Variants in ITPK1 observed in about 807,000 individuals in gnomAD.
The protein encoded by ITPK1 is inositol 1,3,4-trisphosphate 5/6-kinase.
A neutral mutation model predicts 45.3 loss-of-function variants in ITPK1; 21 were observed. The ratio of observed to expected loss-of-function variants is 0.46; its 90% CI spans 0.33 to 0.67. The LOEUF is 0.67. Ranked by LOEUF, ITPK1 falls within the 30% of genes least tolerant of loss-of-function variation. The pLI, the probability that ITPK1 is intolerant of heterozygous loss-of-function variation, is 0.02. For synonymous variants in ITPK1, 258 were observed against 253.6 expected (o/e 1.02, Z -0.16); for missense variants, 474 against 573.5 (o/e 0.83, Z 1.77).
rs766225567 is a variant in ITPK1 at position 93,016,784 on chromosome 14, C to A, written c.138G>T (p.Pro46=). 3.7e-6 allele frequency: 6 copies of A among 1,614,074 alleles called. No homozygotes were observed. Among genetic ancestry groups the A allele is most frequent in the East Asian group, 2.2e-5 (1 of 44,890 alleles). The change falls in exon 4 of 11, where the codon CCG becomes CCT. Residue 46 remains proline (P), a synonymous_variant. Transcript: ENST00000267615. This position sits in a 1 kb window ranked among gnomAD's most constrained non-coding sequence, Gnocchi z 5.0. ...MEVVQLNLSR[P]IEEQGPLDVI... is the part of the protein sequence containing the mutation. ...CGTCCAGGGGGCCCTGCTCCTCGAT[C>A]GGCCGGCTAAGGTTCAGCTGTGAGG...
At chr14:92,995,117 G>A (rs763168195) in intron 4 of ITPK1, among the ~76,000 whole-genome samples, 19 of 152,232 alleles carry the variant, frequency 1.2e-4, no homozygotes, top group Non-Finnish European at 2.5e-4. Context: ...AGGGCCTCCG[G>A]AGGGAGCCAC....
chr14:92,957,655 C>A (rs1026600813), intron 8 of ITPK1, among the ~76,000 whole-genome samples: 1 of 152,242 alleles, frequency 6.6e-6, no homozygotes, highest in Admixed American at 6.5e-5. Context: ...CTCACTGGCA[C>A]GGTAGGAGTC....
At chr14:93,101,126 CCAGAA>C (rs1394861601) in intron 2 of ITPK1, among the ~76,000 whole-genome samples, 1 of 152,146 alleles carries the variant, frequency 6.6e-6, no homozygotes, top group East Asian at 1.9e-4. Context: ...CAATCATGGC[CCAGAA>C]CAGAACACAC....
At chr14:93,058,239 T>C (rs1890292091) in intron 3 of ITPK1, among the ~76,000 whole-genome samples, 1 of 151,154 alleles carries the variant, frequency 6.6e-6, no homozygotes, top group South Asian at 2.1e-4. Flanking sequence ...CACAGGGGCA[T>C]CTGGGAGGGC....
Position 92,938,616 on chromosome 14 carries a change from A to G in ITPK1, c.*2945T>C, listed in dbSNP as rs964062063. 9.1e-7 allele frequency: 1 copy of G among 1,096,048 alleles called. No individual in the cohort carries two copies. The highest frequency in any genetic ancestry group is 1.4e-6 in the Non-Finnish European group (1 of 724,308). The allele number at this position is 1,096,048 out of a possible 1,614,324, so 67.9% of individuals were successfully genotyped here. A position where few individuals can be genotyped will look rare whatever the true frequency, so the allele number is the denominator to read the frequency against. ...GGCAGGCCCAGGCACAGGAAGCCCC[A>G]TGGAACCTGCCAGGTTGCAGCTGGG... On this transcript the variant is annotated 3_prime_UTR_variant, in exon 11 of 11. Transcript: ENST00000267615.
chr14:92,953,757 G>A (rs1163895585), intron 8 of ITPK1, among the ~76,000 whole-genome samples: 1 of 152,238 alleles, frequency 6.6e-6, no homozygotes, highest in Non-Finnish European at 1.5e-5. Context: ...GGAAGGGCCA[G>A]AGCTGGGTAC....
At chr14:93,070,742 C>T (rs1890960943) in intron 3 of ITPK1, 1 of 152,594 alleles carries the variant, frequency 6.6e-6, no homozygotes, top group Non-Finnish European at 1.5e-5. Context: ...CTGCAGACAT[C>T]ACAGAGAGTT....
chr14:93,026,875 G>C (rs1266363712), intron 3 of ITPK1, among the ~76,000 whole-genome samples: 1 of 152,128 alleles, frequency 6.6e-6, no homozygotes, highest in Non-Finnish European at 1.5e-5. Flanking sequence ...GGGGAAAAAA[G>C]GGTTACACAA....
rs139610989 is a variant in ITPK1, at chr14:92,953,723, C to T, written c.671-1710G>A. The stretch of plus-strand genomic sequence containing the variant: ...AAGTCTGCAGGAGCCGCAAGGAGAA[C>T]ACGTGGGTGCTGAGTGGGTGCCAGG... On this transcript the variant is annotated intron_variant, in intron 8 of 10. Transcript: ENST00000267615. 5.6e-4 allele frequency among the ~76,000 whole-genome samples: 86 copies of T among 152,320 alleles called. 1 individual carries two copies. The highest frequency in any genetic ancestry group is 2.0e-3 in the African/African-American group (82 of 41,582).
chr14:92,992,342 CA>C (rs1886828786), intron 5 of ITPK1, among the ~76,000 whole-genome samples: 1 of 152,210 alleles, frequency 6.6e-6, no homozygotes, highest in Non-Finnish European at 1.5e-5. Context: ...AAGGTGACCC[CA>C]GGAGGGAACA....
intron 2 of ITPK1, among the ~76,000 whole-genome samples, chr14:93,094,312 G>C (rs941541): frequency 6.6e-6 from 1 of 152,098 alleles, no homozygotes; most frequent in Non-Finnish European, 1.5e-5. Context: ...AATCACCGTC[G>C]GTATGGGCTT....
intron 5 of ITPK1, among the ~76,000 whole-genome samples, chr14:92,983,051 C>A (rs1209595167): frequency 6.6e-6 from 1 of 152,234 alleles, no homozygotes; most frequent in East Asian, 1.9e-4. Flanking sequence ...TTCCTCCCAC[C>A]TGACTTAGCT....
intron 3 of ITPK1, among the ~76,000 whole-genome samples, chr14:93,064,119 C>T (rs796823463): frequency 5.9e-4 from 90 of 151,936 alleles, no homozygotes; most frequent in African/African-American, 2.1e-3. Context: ...CTGTCTCTAC[C>T]AAAAATACAA....
In ITPK1 at chr14:93,078,587, A is replaced by G. The variant is rs559006017; in HGVS notation, c.96-1968T>C. Among the ~76,000 whole-genome samples the G allele has an allele frequency of 2.6e-5, 4 of 152,226 alleles. 1 individual carries two copies. In the South Asian group the frequency reaches 8.3e-4, roughly 32 times the overall value. On this transcript the variant is annotated intron_variant, in intron 2 of 10. Coordinates refer to ENST00000267615, the MANE Select transcript of ITPK1 (RefSeq NM_014216.6). Reference sequence around the variant, plus strand: ...AGTTCCTGTAGGAATGGTGGCCAATATCCATCTGCTTCCACGGTTTCATGA... The same window carrying G: ...AGTTCCTGTAGGAATGGTGGCCAATGTCCATCTGCTTCCACGGTTTCATGA...
At position 92,992,809 on chromosome 14, in the gene ITPK1, G is replaced by T. The variant is rs148809630; in HGVS notation, c.364+1071C>A. ...CCCAGCCACCTGAATGCTGCGTGACGTGGCATGTCTGCTAACCTCTCAGAG... is the reference window on the plus strand; with the variant it reads ...CCCAGCCACCTGAATGCTGCGTGACTTGGCATGTCTGCTAACCTCTCAGAG... On this transcript the variant is annotated intron_variant, in intron 5 of 10. Transcript: ENST00000267615. Among the ~76,000 whole-genome samples, 343 of 152,374 alleles carry T rather than the reference G, an allele frequency of 2.3e-3. 2 individuals are homozygous for T. The highest frequency in any genetic ancestry group is 7.9e-3 in the African/African-American group (330 of 41,594).
At position 92,959,477 on chromosome 14, in the gene ITPK1, T is replaced by C. The variant is rs532923998; in HGVS notation, c.505-1111A>G. 2.0e-5 allele frequency among the ~76,000 whole-genome samples: 3 copies of C among 152,172 alleles called. No homozygotes were observed. The East Asian group carries it at 5.8e-4, about 29-fold the overall frequency. On this transcript the variant is annotated intron_variant, in intron 7 of 10. Coordinates refer to ENST00000267615, the MANE Select transcript of ITPK1 (RefSeq NM_014216.6). Reference sequence around the variant, plus strand: ...CCACATGGGAAAAACAAAAAGTGTGTGTCTGTGCTGGGGGCGTTGGGGGGC... The same window carrying C: ...CCACATGGGAAAAACAAAAAGTGTGCGTCTGTGCTGGGGGCGTTGGGGGGC...
chr14:92,998,614 C>T, intron 4 of ITPK1, among the ~76,000 whole-genome samples: 1 of 152,160 alleles, frequency 6.6e-6, no homozygotes, highest in East Asian at 1.9e-4. Flanking sequence ...TGGGAGGTGG[C>T]ACCTGGGAGC....
At chr14:93,045,374 G>A (rs1417902990) in intron 3 of ITPK1, among the ~76,000 whole-genome samples, 1 of 152,230 alleles carries the variant, frequency 6.6e-6, no homozygotes, top group Non-Finnish European at 1.5e-5. Flanking sequence ...CACTGCCGCA[G>A]ACTGAGAGGC....
intron 4 of ITPK1, among the ~76,000 whole-genome samples, chr14:93,015,096 T>C (rs2139852404): frequency 6.6e-6 from 1 of 152,284 alleles, no homozygotes; most frequent in Non-Finnish European, 1.5e-5. Context: ...AAAGTCGCTG[T>C]ATGACTTGGG....
Sources: gnomAD v4.1 joint callset for allele counts (sites outside exome capture counted in the v4.1 genomes callset) on GRCh38, gnomAD v4.1.1 for gene constraint, Gnocchi (gnomAD v3.1) non-coding constraint, MANE v1.5 for transcripts, NCBI Gene and HGNC (gene_info 2026-07-23, HGNC 2026-07-21) for gene names.